The following MAN1B1 variants were observed in gnomAD, a reference collection of about 807,000 sequenced individuals.
MAN1B1 encodes mannosidase alpha class 1B member 1, also known as endoplasmic reticulum mannosyl-oligosaccharide 1,2-alpha-mannosidase.
A neutral mutation model predicts 75.5 loss-of-function variants in MAN1B1; 66 were observed. The observed-to-expected ratio is 0.87, with a 90% confidence interval of 0.72 to 1.07. The LOEUF (loss-of-function observed/expected upper bound fraction) is 1.07, where lower values mean the gene tolerates loss of function less well. Ranked by LOEUF, MAN1B1 falls within the 50% of genes least tolerant of loss-of-function variation. The pLI, the probability that MAN1B1 is intolerant of heterozygous loss-of-function variation, is 0.00. For missense variants in MAN1B1, 973 were observed against 912.5 expected (o/e 1.07, Z -0.85); for synonymous variants, 453 against 382.8 (o/e 1.18, Z -2.14).
intron 6 of MAN1B1, among the ~76,000 whole-genome samples, chr9:137,100,393 C>A (rs529483690): frequency 6.6e-6 from 1 of 152,344 alleles, no homozygotes; most frequent in East Asian, 1.9e-4. Flanking sequence ...GTGGCCATAG[C>A]AACTGCACTG....
chr9:137,104,256 GAC>G (rs1831015406), intron 8 of MAN1B1: 9 of 362,984 alleles, frequency 2.5e-5, no homozygotes, highest in South Asian at 1.7e-4. Context: ...CGTTTGTTGA[GAC>G]AGAGTCTCAT....
chr9:137,106,299 G>T lies in MAN1B1; in HGVS notation c.1429G>T (p.Gly477Trp). The change falls in exon 9 of 13, where the codon GGG (glycine) becomes TGG (tryptophan). Residue 477 changes from glycine to tryptophan, a missense_variant. Gly to Trp is a radical substitution (Grantham distance 184, BLOSUM62 -2). Transcript: ENST00000371589. ...EYLLKQWIQG[G>W]KQETQLLEDY... ...CCTGCTGAAGCAGTGGATCCAGGGC[G>T]GGAAGCAGGAGACACAGTGAGGCCC... 6.4e-7 allele frequency: 1 copy of T among 1,553,478 alleles called. No homozygotes were observed. The highest frequency in any genetic ancestry group is 2.4e-5 in the East Asian group (1 of 41,632).
intron 9 of MAN1B1, 164 bp from the exon 10 acceptor site, chr9:137,106,525 G>T: frequency 8.4e-7 from 1 of 1,187,324 alleles, no homozygotes. Flanking sequence ...GGGGGTGAGG[G>T]GGGCATCTTC....
At chr9:137,093,114 C>T (rs1339503863) in intron 3 of MAN1B1, among the ~76,000 whole-genome samples, 1 of 152,146 alleles carries the variant, frequency 6.6e-6, no homozygotes, top group Non-Finnish European at 1.5e-5. Flanking sequence ...CAGGAGGTTG[C>T]AGTGGCTCAC....
In MAN1B1 at chr9:137,106,863, A is replaced by G; in HGVS notation, c.1566+54A>G. ...GCCGCCCCTTTTACCTTGGCTTCCA[A>G]GGTGCCTGAGTCATGATGTCAAAAA... On this transcript the variant is annotated intron_variant, in intron 10 of 12. Transcript: ENST00000371589. The G allele has an allele frequency of 3.1e-6, 5 of 1,594,312 alleles. No homozygotes were observed. The Admixed American group carries it at 5.1e-5, about 16-fold the overall frequency.
At chr9:137,100,346 A>G (rs748454968) in intron 6 of MAN1B1, among the ~76,000 whole-genome samples, 32 of 152,118 alleles carry the variant, frequency 2.1e-4, no homozygotes, top group Non-Finnish European at 3.8e-4. Context: ...GACGTGTGTA[A>G]TTTTTTTGGG....
chr9:137,088,004 C>G, intron 1 of MAN1B1, 71 bp from the exon 2 acceptor site: 1 of 1,149,558 alleles, frequency 8.7e-7, no homozygotes, highest in Non-Finnish European at 1.3e-6. Flanking sequence ...ATTGTCCTCA[C>G]AGTTTGTGAC....
chr9:137,108,538 G>T lies in MAN1B1; in HGVS notation c.2047G>T (p.Ala683Ser). ...SDDPNLLSLD[A>S]YVFNTEAHPL... ...TGACCCAAACCTGCTCAGCCTGGAT[G>T]CCTACGTGTTCAACACCGAAGCCCA... Residue 683 changes from alanine (A) to serine (S), a missense_variant, in exon 13 of 13, where the codon GCC becomes TCC. Ala to Ser is a moderately conservative substitution (Grantham distance 99). Coordinates refer to ENST00000371589, the MANE Select transcript of MAN1B1 (RefSeq NM_016219.5). 1 of 1,613,918 alleles carries T rather than the reference G, an allele frequency of 6.2e-7. No homozygotes were observed. Among genetic ancestry groups the T allele is most frequent in the African/African-American group, 1.3e-5 (1 of 75,060 alleles).
At chr9:137,104,260 G>C (rs1831015521) in intron 8 of MAN1B1, 2 of 363,174 alleles carry the variant, frequency 5.5e-6, no homozygotes, top group Non-Finnish European at 1.1e-5. Flanking sequence ...TGTTGAGACA[G>C]AGTCTCATTC....
At chr9:137,090,233 G>A (rs950136621) in intron 3 of MAN1B1, among the ~76,000 whole-genome samples, 1 of 152,148 alleles carries the variant, frequency 6.6e-6, no homozygotes, top group Non-Finnish European at 1.5e-5. Context: ...CCCTTAGAAG[G>A]CCCTTAGGGT....
intron 2 of MAN1B1, chr9:137,088,515 C>A: frequency 1.7e-6 from 2 of 1,165,662 alleles, no homozygotes; most frequent in Non-Finnish European, 2.4e-6. Context: ...TTGGAAAAGA[C>A]CAGGCAGAGT....
intron 3 of MAN1B1, chr9:137,089,397 CA>C (rs1188071777): frequency 6.4e-6 from 2 of 312,636 alleles, no homozygotes; most frequent in African/African-American, 2.2e-5. Flanking sequence ...CCTGAGGGTT[CA>C]GGGGAGGCCG....
chr9:137,089,929 C>G (rs555678657), intron 3 of MAN1B1, among the ~76,000 whole-genome samples: 35 of 152,120 alleles, frequency 2.3e-4, no homozygotes, highest in African/African-American at 7.7e-4. Context: ...CAGGTGGTGC[C>G]AGGATCAGAG....
At chr9:137,100,228 A>G (rs1588600706) in intron 6 of MAN1B1, among the ~76,000 whole-genome samples, 1 of 152,360 alleles carries the variant, frequency 6.6e-6, no homozygotes, top group East Asian at 1.9e-4. Flanking sequence ...AGCATCCTTC[A>G]TAGACCAGCA....
At chr9:137,089,081 G>T in intron 3 of MAN1B1, 76 bp downstream of exon 3, 1 of 1,565,182 alleles carries the variant, frequency 6.4e-7, no homozygotes. Context: ...AGATTGAGAA[G>T]AATTATTTTC....
rs371568998 is a variant in MAN1B1, at chr9:137,096,980, C to A, written c.620+589C>A. ...TGGGCAGAGCCAGGGCCAGTGAGGG[C>A]TGCTGTGCAGGAGTGGCCTGAGACA... On this transcript the variant is annotated intron_variant, in intron 4 of 12. Transcript: ENST00000371589. 2.0e-5 allele frequency among the ~76,000 whole-genome samples: 3 copies of A among 152,240 alleles called. No homozygotes were observed. The East Asian group carries it at 5.8e-4, about 29-fold the overall frequency.
In MAN1B1 at chr9:137,107,606, C is replaced by G. The variant is rs779180847; in HGVS notation, c.1840C>G (p.Arg614Gly). 22 of 1,611,544 alleles carry G rather than the reference C, an allele frequency of 1.4e-5. No individual in the cohort carries two copies. The Middle Eastern group carries it at 4.9e-4, about 36-fold the overall frequency. ...LFYLYRVTGD[R>G]KYQDWGWEIL... ...CTACCTGTACCGCGTCACAGGGGAC[C>G]GCAAATACCAGGACTGGGGCTGGGA... Residue 614 changes from arginine (R) to glycine (G), a missense_variant, in exon 12 of 13, where the codon CGC (arginine) becomes GGC (glycine). Transcript: ENST00000371589.
At chr9:137,091,062 C>T (rs1033257410) in intron 3 of MAN1B1, among the ~76,000 whole-genome samples, 6 of 152,194 alleles carry the variant, frequency 3.9e-5, no homozygotes, top group South Asian at 2.1e-4. Flanking sequence ...GAGTCCTGCT[C>T]TTGATTGGCC....
intron 4 of MAN1B1, among the ~76,000 whole-genome samples, chr9:137,096,761 C>T (rs1162990310): frequency 2.0e-5 from 3 of 152,188 alleles, no homozygotes; most frequent in Admixed American, 1.3e-4. Flanking sequence ...GGGAGTTGCC[C>T]GGTGCCCAGG....
Sources: allele counts gnomAD v4.1 joint callset (sites outside exome capture counted in the v4.1 genomes callset), GRCh38; gene constraint gnomAD v4.1.1; transcripts MANE v1.5; gene names NCBI Gene and HGNC (gene_info 2026-07-23, HGNC 2026-07-21).